The following STPG2 variants were observed in gnomAD, a reference collection of about 807,000 sequenced individuals.
STPG2 encodes sperm tail PG-rich repeat containing 2.
In STPG2, 56 loss-of-function variants were observed where a neutral mutation model predicts 54.2. That is an observed-to-expected ratio of 1.03 (90% CI 0.83 to 1.29). The LOEUF (loss-of-function observed/expected upper bound fraction) is 1.29. STPG2 is among the 50% of genes most tolerant of loss of function. The probability of loss-of-function intolerance (pLI) is 0.00; values close to 1 mark genes in which losing one functional copy is unlikely to be tolerated. For synonymous variants in STPG2, 200 were observed against 181.8 expected (o/e 1.10, Z -0.81); for missense variants, 596 against 544.9 (o/e 1.09, Z -0.93).
rs530195799 is a variant in STPG2 at position 97,495,450 on chromosome 4, T to TA, written c.462+217248dup. Among the ~76,000 whole-genome samples the TA allele has an allele frequency of 4.2e-3, 634 of 151,630 alleles. 3 individuals carry two copies. Among genetic ancestry groups the TA allele is most frequent in the South Asian group, 0.02 (97 of 4,826 alleles). On this transcript the variant is annotated intron_variant, in intron 4 of 4. Transcript: ENST00000522676. Reference sequence around the variant, plus strand: ...AAAGTTTTTGTATAGTATTCGTTTTTATGTGACAAGCTACTCTTTCTGAAT... The same window carrying TA: ...AAAGTTTTTGTATAGTATTCGTTTTTAATGTGACAAGCTACTCTTTCTGAAT...
At chr4:97,977,406 C>G (rs1024964857) in intron 6 of STPG2, among the ~76,000 whole-genome samples, 5 of 152,090 alleles carry the variant, frequency 3.3e-5, no homozygotes, top group African/African-American at 1.2e-4. Flanking sequence ...GAGCACTGAC[C>G]CCATTCCTTT....
intron 4 of STPG2, among the ~76,000 whole-genome samples, chr4:97,458,653 C>A (rs987817060): frequency 6.6e-6 from 1 of 152,020 alleles, no homozygotes; most frequent in African/African-American, 2.4e-5. Context: ...CTTTTCAAAG[C>A]ACAATGGAAA....
intron 4 of STPG2, among the ~76,000 whole-genome samples, chr4:97,474,939 C>T (rs1169953331): frequency 1.3e-5 from 2 of 151,834 alleles, no homozygotes. Context: ...CTTTAACATG[C>T]TAGTTTAGTG....
intron 4 of STPG2, among the ~76,000 whole-genome samples, chr4:97,461,199 T>C (rs2148807873): frequency 6.6e-6 from 1 of 152,310 alleles, no homozygotes; most frequent in South Asian, 2.1e-4. Context: ...GTAAAGCATA[T>C]GAGAGTTTCA....
intron 4 of STPG2, among the ~76,000 whole-genome samples, chr4:97,442,470 A>G (rs1197525032): frequency 6.6e-6 from 1 of 152,092 alleles, no homozygotes. Context: ...ACTCCAAATG[A>G]TATTATATTT....
chr4:97,925,011 C>G (rs1225308672), intron 8 of STPG2, among the ~76,000 whole-genome samples: 1 of 152,058 alleles, frequency 6.6e-6, no homozygotes, highest in Non-Finnish European at 1.5e-5. Context: ...GAATATGGCA[C>G]CTTCAAAATT....
chr4:98,010,215 G>C (rs1420520275), intron 5 of STPG2, among the ~76,000 whole-genome samples: 1 of 151,668 alleles, frequency 6.6e-6, no homozygotes, highest in African/African-American at 2.4e-5. Flanking sequence ...CTACTATTTT[G>C]ATGTAGGTAT....
intron 8 of STPG2, among the ~76,000 whole-genome samples, chr4:97,894,504 T>A (rs1408954862): frequency 6.6e-6 from 1 of 151,940 alleles, no homozygotes; most frequent in Non-Finnish European, 1.5e-5. Context: ...AACTTTGTCT[T>A]CTAGCAACTC....
intron 5 of STPG2, among the ~76,000 whole-genome samples, chr4:98,073,710 A>G (rs1349541172): frequency 6.6e-6 from 1 of 152,124 alleles, no homozygotes; most frequent in Non-Finnish European, 1.5e-5. Flanking sequence ...CTGGGCAACA[A>G]GAGCAAAACT....
intron 9 of STPG2, among the ~76,000 whole-genome samples, chr4:97,819,001 G>T (rs1352675356): frequency 6.8e-6 from 1 of 147,480 alleles, no homozygotes; most frequent in Non-Finnish European, 1.5e-5. Flanking sequence ...TATATAAAAA[G>T]TGTCCAAAGA....
chr4:97,480,429 G>A (rs1295995208), intron 4 of STPG2, among the ~76,000 whole-genome samples: 2 of 151,554 alleles, frequency 1.3e-5, no homozygotes, highest in Non-Finnish European at 3.0e-5. Flanking sequence ...CTTCAGAAAA[G>A]TGAAGGAGAC....
chr4:97,740,814 T>C (rs913264480), intron 9 of STPG2, among the ~76,000 whole-genome samples: 9 of 152,150 alleles, frequency 5.9e-5, no homozygotes, highest in African/African-American at 2.2e-4. Flanking sequence ...TTCAATGCCA[T>C]CCCCATCAAG....
chr4:98,038,304 A>G (rs1736835577), intron 5 of STPG2, among the ~76,000 whole-genome samples: 1 of 152,158 alleles, frequency 6.6e-6, no homozygotes, highest in Non-Finnish European at 1.5e-5. Flanking sequence ...ATCTTAGTCC[A>G]TTTGATACAA....
chr4:97,508,992 T>C (rs1292626642), intron 4 of STPG2, among the ~76,000 whole-genome samples: 1 of 152,154 alleles, frequency 6.6e-6, no homozygotes, highest in Non-Finnish European at 1.5e-5. Context: ...TAACTGTAAT[T>C]AATTAACCAT....
rs768533302 is a variant in STPG2 at position 98,109,213 on chromosome 4, TGGAC to T, written c.476_479del (p.Gly159GlufsTer6). Reference sequence around the variant, plus strand: ...CTTACTGGACTATATCATACTGTCCTGGACCAGGACCTGACTTTTTAGGTAACTC... The same window carrying T: ...CTTACTGGACTATATCATACTGTCCTCAGGACCTGACTTTTTAGGTAACTC... On this transcript the variant is annotated frameshift_variant, in exon 4 of 11. Coordinates refer to ENST00000295268, the MANE Select transcript of STPG2 (RefSeq NM_174952.3). LOFTEE classifies it high-confidence loss of function. 6.2e-7 allele frequency: 1 copy of T among 1,609,634 alleles called. No homozygotes were observed. The highest frequency in any genetic ancestry group is 1.3e-5 in the African/African-American group (1 of 74,880).
chr4:97,639,421 C>G (rs1371187798), intron 10 of STPG2, among the ~76,000 whole-genome samples: 2 of 151,614 alleles, frequency 1.3e-5, no homozygotes, highest in Non-Finnish European at 2.9e-5. Context: ...GTGCAGCACA[C>G]CAGCATGGCA....
intron 7 of STPG2, among the ~76,000 whole-genome samples, chr4:97,956,061 TA>T (rs1239487909): frequency 7.9e-5 from 12 of 151,608 alleles, no homozygotes; most frequent in African/African-American, 1.7e-4. Flanking sequence ...GAGAAATAAA[TA>T]AAAAAAGTAA....
chr4:97,504,303 A>T (rs1730800690), intron 4 of STPG2, among the ~76,000 whole-genome samples: 1 of 150,886 alleles, frequency 6.6e-6, no homozygotes, highest in African/African-American at 2.4e-5. Flanking sequence ...AAGGAATAGT[A>T]ATTCTTTTAA....
chr4:97,897,138 T>G (rs1034669888), intron 8 of STPG2, among the ~76,000 whole-genome samples: 1 of 152,094 alleles, frequency 6.6e-6, no homozygotes, highest in African/African-American at 2.4e-5. Flanking sequence ...AGCTCCCACT[T>G]ACGAGTGAAA....
Sources: allele counts gnomAD v4.1 joint callset (sites outside exome capture counted in the v4.1 genomes callset), GRCh38; gene constraint gnomAD v4.1.1; transcripts MANE v1.5; gene names NCBI Gene and HGNC (gene_info 2026-07-23, HGNC 2026-07-21).